RANBP2: variants seen among roughly 807,000 people sequenced by gnomAD.
RANBP2 encodes the protein E3 SUMO-protein ligase RanBP2.
A neutral mutation model predicts 303.6 loss-of-function variants in RANBP2; 57 were observed. That is an observed-to-expected ratio of 0.19 (90% CI 0.15 to 0.23). RANBP2 has a LOEUF of 0.23. Ranked by LOEUF, RANBP2 falls within the 10% of genes least tolerant of loss-of-function variation. RANBP2 has a pLI of 1.00. For missense variants in RANBP2, 3,138 were observed against 3,780.8 expected (o/e 0.83, Z 4.46); for synonymous variants, 1,167 against 1,301.5 (o/e 0.90, Z 2.23).
At chr2:109,429,153 T>C in the RANBP2 span, among the ~76,000 whole-genome samples, 1 of 152,098 alleles carries the variant, frequency 6.6e-6, no homozygotes, top group African/African-American at 2.4e-5. Context: ...CAAATTGCTC[T>C]TCAGTGTGGT....
At chr2:109,455,728 G>T in the RANBP2 span, among the ~76,000 whole-genome samples, 1 of 152,150 alleles carries the variant, frequency 6.6e-6, no homozygotes, top group Non-Finnish European at 1.5e-5. Context: ...ACCCTTACTC[G>T]TCCATCCCAG....
chr2:109,302,433 A>G, the RANBP2 span, among the ~76,000 whole-genome samples: 2 of 152,242 alleles, frequency 1.3e-5, no homozygotes, highest in African/African-American at 4.8e-5. Flanking sequence ...CATGCCATGG[A>G]GGCAGAGAGC....
the RANBP2 span, among the ~76,000 whole-genome samples, chr2:108,918,053 C>T: frequency 1.3e-5 from 2 of 152,010 alleles, no homozygotes; most frequent in South Asian, 4.2e-4. Flanking sequence ...GTTGAATGCA[C>T]GTGATGTCTA....
At chr2:108,873,328 A>G in the RANBP2 span, 1 of 905,004 alleles carries the variant, frequency 1.1e-6, no homozygotes, top group Non-Finnish European at 1.5e-6. Flanking sequence ...AAATTTAAGT[A>G]TGAAAAGAAT....
At chr2:109,251,168 A>G in the RANBP2 span, among the ~76,000 whole-genome samples, 1 of 151,638 alleles carries the variant, frequency 6.6e-6, no homozygotes, top group Non-Finnish European at 1.5e-5. Flanking sequence ...ATGCCTGGCT[A>G]ATTTTTTTAT....
At chr2:109,543,884 G>A in the RANBP2 span, 2 of 401,626 alleles carry the variant, frequency 5.0e-6, no homozygotes, top group African/African-American at 2.1e-5. Flanking sequence ...ATACACAACG[G>A]GACCCGACTC....
the RANBP2 span, among the ~76,000 whole-genome samples, chr2:109,308,267 GTTGT>G: frequency 1.6e-5 from 2 of 126,720 alleles, 1 homozygote; most frequent in Non-Finnish European, 3.2e-5. Flanking sequence ...TTTTGATGGG[GTTGT>G]TTGTTTTTTT....
chr2:109,238,785 G>T, the RANBP2 span, among the ~76,000 whole-genome samples: 1 of 152,228 alleles, frequency 6.6e-6, no homozygotes, highest in Admixed American at 6.5e-5. Flanking sequence ...CAATACAGAG[G>T]CAAGGCCCCT....
the RANBP2 span, among the ~76,000 whole-genome samples, chr2:109,693,411 G>A: frequency 6.6e-6 from 1 of 152,046 alleles, no homozygotes; most frequent in Non-Finnish European, 1.5e-5. Context: ...CACCCGCTTC[G>A]GCCTCCCAAA....
At chr2:109,546,698 CAAGT>C in the RANBP2 span, among the ~76,000 whole-genome samples, 1 of 152,054 alleles carries the variant, frequency 6.6e-6, no homozygotes, top group Non-Finnish European at 1.5e-5. Flanking sequence ...CACTGGAAAG[CAAGT>C]GTCAATTGTC....
chr2:108,771,384 T>G (rs1454439401), intron 20 of RANBP2, among the ~76,000 whole-genome samples: 1 of 152,160 alleles, frequency 6.6e-6, no homozygotes, highest in Non-Finnish European at 1.5e-5. Flanking sequence ...GGCAACACTT[T>G]AAAATTTTTA....
chr2:109,204,838 T>G, the RANBP2 span, among the ~76,000 whole-genome samples: 1 of 152,256 alleles, frequency 6.6e-6, no homozygotes, highest in Non-Finnish European at 1.5e-5. Flanking sequence ...CTGTATTTTC[T>G]GTAGCGTGGA....
the RANBP2 span, among the ~76,000 whole-genome samples, chr2:109,476,631 G>A: frequency 3.9e-5 from 6 of 152,182 alleles, no homozygotes; most frequent in Admixed American, 3.9e-4. Context: ...CAGGAAAGGG[G>A]TCCCAATCCA....
the RANBP2 span, among the ~76,000 whole-genome samples, chr2:109,169,811 A>G: frequency 2.6e-5 from 4 of 152,282 alleles, no homozygotes; most frequent in Middle Eastern, 6.8e-3. Flanking sequence ...GATTACTCAG[A>G]AAAAGATAAG....
At chr2:108,796,651 G>A in the RANBP2 span, among the ~76,000 whole-genome samples, 1 of 152,128 alleles carries the variant, frequency 6.6e-6, no homozygotes. Flanking sequence ...TAAAAAGAAT[G>A]AAATCTTATC....
the RANBP2 span, chr2:109,129,461 G>C: frequency 6.7e-7 from 1 of 1,495,696 alleles, no homozygotes; most frequent in South Asian, 1.2e-5. Flanking sequence ...CCCCAGTCCT[G>C]ATGCTGGCTG....
At position 108,783,816 on chromosome 2, in the gene RANBP2, A is replaced by G. The variant is rs767076419; in HGVS notation, c.9590A>G (p.Asp3197Gly). 2.5e-6 allele frequency: 4 copies of G among 1,612,596 alleles called. No individual in the cohort carries two copies. Among genetic ancestry groups the G allele is most frequent in the Non-Finnish European group, 3.4e-6 (4 of 1,178,732 alleles). The change falls in exon 29 of 29, where the codon GAT becomes GGT. Residue 3197 changes from aspartate to glycine, a missense_variant. By Grantham distance (94) the Asp-to-Gly change is moderately conservative. Transcript: ENST00000283195. ...VVFGFVKDGM[D>G]TVKKIESFGS... ...TTTGGGTTTGTTAAGGATGGCATGG[A>G]TACTGTGAAAAAGATTGAATCATTT...
At chr2:109,207,667 A>G in the RANBP2 span, among the ~76,000 whole-genome samples, 16 of 152,290 alleles carry the variant, frequency 1.1e-4, no homozygotes, top group Middle Eastern at 3.4e-3. Context: ...GGTGCCACCT[A>G]TAGAATTTGG....
chr2:109,114,090 AAT>A, the RANBP2 span, among the ~76,000 whole-genome samples: 1 of 152,118 alleles, frequency 6.6e-6, no homozygotes, highest in Non-Finnish European at 1.5e-5. Context: ...ATTGGTCTAA[AAT>A]TCTCTTTTTT....
Sources: allele counts gnomAD v4.1 joint callset (sites outside exome capture counted in the v4.1 genomes callset), GRCh38; gene constraint gnomAD v4.1.1; transcripts MANE v1.5; gene names NCBI Gene and HGNC (gene_info 2026-07-23, HGNC 2026-07-21).